The following CAST variants were observed in gnomAD, a reference collection of about 807,000 sequenced individuals.
CAST encodes the protein calpastatin.
A neutral mutation model predicts 119.6 loss-of-function variants in CAST; 76 were observed. The observed-to-expected ratio is 0.64, with a 90% CI of 0.53 to 0.77. The LOEUF (loss-of-function observed/expected upper bound fraction) is 0.77, where lower values mean the gene tolerates loss of function less well. Ranked by LOEUF, CAST falls within the 30% of genes least tolerant of loss-of-function variation. The pLI, the probability that CAST is intolerant of heterozygous loss-of-function variation, is 0.00. For synonymous variants in CAST, 319 were observed against 331.6 expected, an observed-to-expected ratio of 0.96 and a Z score of 0.41; for missense variants, 953 against 946.5, an observed-to-expected ratio of 1.01 and a Z score of -0.09.
chr5:96,241,513 G>A, the CAST span, among the ~76,000 whole-genome samples: 13 of 149,580 alleles, frequency 8.7e-5, no homozygotes, highest in East Asian at 2.0e-4. Flanking sequence ...GAATAATGCC[G>A]CAATAAACAT....
the CAST span, among the ~76,000 whole-genome samples, chr5:96,360,839 C>T: frequency 1.3e-5 from 2 of 152,170 alleles, no homozygotes; most frequent in African/African-American, 4.8e-5. Context: ...GCAGTCTGTC[C>T]CTTAGCAGAG....
chr5:96,340,680 C>A, the CAST span, among the ~76,000 whole-genome samples: 1 of 152,194 alleles, frequency 6.6e-6, no homozygotes, highest in Non-Finnish European at 1.5e-5. Context: ...CAGTTTATAA[C>A]CTCTTCACAC....
the CAST span, among the ~76,000 whole-genome samples, chr5:96,240,419 C>CACCTTCTTTACTGTCT: frequency 6.6e-6 from 1 of 152,296 alleles, no homozygotes; most frequent in African/African-American, 2.4e-5. Flanking sequence ...TTTCTGGGTC[C>CACCTTCTTTACTGTCT]ACCTTCTTTA....
At chr5:96,210,278 T>A in the CAST span, 2 of 152,012 alleles carry the variant, frequency 1.3e-5, no homozygotes. Context: ...TTCATCCAAT[T>A]TTTTTCTAAC....
chr5:96,516,161 C>G, the CAST span, among the ~76,000 whole-genome samples: 1 of 81,056 alleles, frequency 1.2e-5, no homozygotes, highest in East Asian at 2.8e-4. Context: ...GGTGGCCATG[C>G]ATTTCAGAGG....
chr5:96,337,721 C>G, the CAST span, among the ~76,000 whole-genome samples: 2 of 152,228 alleles, frequency 1.3e-5, no homozygotes, highest in African/African-American at 4.8e-5. Context: ...CAAAGCTGGA[C>G]TGCTGTGCTG....
intron 1 of CAST, among the ~76,000 whole-genome samples, chr5:96,612,091 T>C (rs915441377): frequency 2.6e-5 from 4 of 152,198 alleles, no homozygotes; most frequent in Non-Finnish European, 5.9e-5. Context: ...CCCATTACCA[T>C]GTGTCTATCC....
the CAST span, among the ~76,000 whole-genome samples, chr5:96,190,602 G>A: frequency 5.3e-5 from 8 of 152,006 alleles, no homozygotes; most frequent in African/African-American, 1.9e-4. Flanking sequence ...TGCTGTTAAG[G>A]CCTCATTCCC....
At chr5:96,045,282 G>A in the CAST span, among the ~76,000 whole-genome samples, 2 of 151,956 alleles carry the variant, frequency 1.3e-5, no homozygotes, top group Admixed American at 1.3e-4. Flanking sequence ...GAACCCAGGA[G>A]GCGGAGGTCG....
intron 21 of CAST, 35 bp downstream of exon 21, chr5:96,754,196 A>G: frequency 8.4e-7 from 1 of 1,197,074 alleles, no homozygotes; most frequent in Non-Finnish European, 1.3e-6. Flanking sequence ...GAAAATAAAT[A>G]TCATTGATCA....
the CAST span, among the ~76,000 whole-genome samples, chr5:96,428,541 A>G: frequency 6.6e-6 from 1 of 152,196 alleles, no homozygotes; most frequent in Non-Finnish European, 1.5e-5. Context: ...AACTGCCTCT[A>G]CCTTATTTAC....
the CAST span, chr5:96,392,897 T>A: frequency 8.7e-7 from 1 of 1,155,812 alleles, no homozygotes; most frequent in South Asian, 1.2e-5. Context: ...CAAAGGATAT[T>A]ATAAGCATAA....
At chr5:96,523,334 T>G (rs527967340), upstream of CAST, among the ~76,000 whole-genome samples, 1 of 152,344 alleles carries the variant, frequency 6.6e-6, no homozygotes, top group Non-Finnish European at 1.5e-5. Context: ...GTGTTCCCAA[T>G]CTCACCAAAT....
the CAST span, among the ~76,000 whole-genome samples, chr5:96,051,472 G>A: frequency 6.6e-6 from 1 of 152,312 alleles, no homozygotes; most frequent in African/African-American, 2.4e-5. Context: ...CTAGCCTGGG[G>A]CTGGGGGTAA....
intron 3 of CAST, among the ~76,000 whole-genome samples, chr5:96,715,301 C>T (rs1245655306): frequency 3.3e-5 from 5 of 152,116 alleles, no homozygotes; most frequent in African/African-American, 1.2e-4. Context: ...TACTTTCCTA[C>T]CCCTAAGTCT....
intron 1 of CAST, among the ~76,000 whole-genome samples, chr5:96,554,186 G>A (rs1746188416): frequency 6.6e-6 from 1 of 152,170 alleles, no homozygotes. Context: ...AAAACAGCAT[G>A]GTACTGGTAC....
chr5:96,258,806 A>G, the CAST span, among the ~76,000 whole-genome samples: 7 of 108,018 alleles, frequency 6.5e-5, no homozygotes, highest in South Asian at 1.3e-3. Flanking sequence ...GCTATAAAGC[A>G]TATGTGTTTT....
the CAST span, among the ~76,000 whole-genome samples, chr5:96,324,057 A>G: frequency 6.6e-6 from 1 of 152,108 alleles, no homozygotes; most frequent in Admixed American, 6.5e-5. Flanking sequence ...TTAGAGTTTT[A>G]TTTTTTAGCA....
chr5:96,169,485 C>T, the CAST span, among the ~76,000 whole-genome samples: 3 of 152,088 alleles, frequency 2.0e-5, no homozygotes, highest in Admixed American at 1.3e-4. Flanking sequence ...AGGTGCAGAT[C>T]CTGAACTAAC....
Sources: gnomAD v4.1 joint callset for allele counts (sites outside exome capture counted in the v4.1 genomes callset) on GRCh38, gnomAD v4.1.1 for gene constraint, MANE v1.5 for transcripts, NCBI Gene and HGNC (gene_info 2026-07-23, HGNC 2026-07-21) for gene names.